SLC35D4: variants seen among roughly 807,000 people sequenced by gnomAD.
SLC35D4 encodes the protein UDP-N-acetylglucosamine transporter SLC35D4.
chr18:23,361,869 T>A, the SLC35D4 span, among the ~76,000 whole-genome samples: 1 of 152,236 alleles, frequency 6.6e-6, no homozygotes, highest in Non-Finnish European at 1.5e-5. Context: ...CCAATACATT[T>A]TCTTATTGAG....
chr18:23,345,878 T>C, the SLC35D4 span, among the ~76,000 whole-genome samples: 1 of 152,224 alleles, frequency 6.6e-6, no homozygotes, highest in East Asian at 1.9e-4. Flanking sequence ...GTGATACTTC[T>C]TTGTTAAGTT....
chr18:23,418,952 G>A, the SLC35D4 span, among the ~76,000 whole-genome samples: 9 of 151,680 alleles, frequency 5.9e-5, no homozygotes, highest in Non-Finnish European at 1.3e-4. Flanking sequence ...AGCTTGCAGT[G>A]AGCTGAGATC....
At chr18:23,297,231 A>T in the SLC35D4 span, 1 of 152,202 alleles carries the variant, frequency 6.6e-6, no homozygotes, top group East Asian at 1.9e-4. Context: ...TAAAAATAAA[A>T]ATGAGAAAGG....
At chr18:23,370,527 A>T in the SLC35D4 span, among the ~76,000 whole-genome samples, 1 of 152,330 alleles carries the variant, frequency 6.6e-6, no homozygotes, top group African/African-American at 2.4e-5. Context: ...AAGCATCATG[A>T]TTATGAAGGA....
chr18:23,328,116 T>C, the SLC35D4 span, among the ~76,000 whole-genome samples: 2 of 152,296 alleles, frequency 1.3e-5, no homozygotes, highest in East Asian at 3.9e-4. Flanking sequence ...GGGCAAAAAC[T>C]GGAAGCATTC....
At chr18:23,352,133 G>T in the SLC35D4 span, 1 of 1,452,328 alleles carries the variant, frequency 6.9e-7, no homozygotes, top group Admixed American at 2.0e-5. Context: ...CATTACCCAG[G>T]TTCTGAGATC....
At chr18:23,376,043 C>T in the SLC35D4 span, among the ~76,000 whole-genome samples, 3 of 152,170 alleles carry the variant, frequency 2.0e-5, no homozygotes, top group Non-Finnish European at 2.9e-5. Context: ...TATAGTGCCC[C>T]TTAACTACTG....
At chr18:23,240,390 A>C in the SLC35D4 span, among the ~76,000 whole-genome samples, 1 of 152,200 alleles carries the variant, frequency 6.6e-6, no homozygotes, top group Non-Finnish European at 1.5e-5. Context: ...CAGAGCCCAC[A>C]AATGATGATG....
At chr18:23,320,148 T>G in the SLC35D4 span, among the ~76,000 whole-genome samples, 2 of 152,202 alleles carry the variant, frequency 1.3e-5, no homozygotes, top group Non-Finnish European at 2.9e-5. Context: ...CCACAAATAT[T>G]AGATCTTATG....
the SLC35D4 span, chr18:23,331,464 G>C: frequency 6.6e-6 from 1 of 152,208 alleles, no homozygotes; most frequent in South Asian, 2.1e-4. Context: ...GGAAGCTGCC[G>C]GGCCTGTTTT....
chr18:23,320,892 A>G, the SLC35D4 span, among the ~76,000 whole-genome samples: 1 of 152,182 alleles, frequency 6.6e-6, no homozygotes, highest in African/African-American at 2.4e-5. Flanking sequence ...CTTTTGCTGC[A>G]GTCTCCTAAA....
At chr18:23,326,216 T>C in the SLC35D4 span, among the ~76,000 whole-genome samples, 1 of 152,170 alleles carries the variant, frequency 6.6e-6, no homozygotes. Flanking sequence ...TAACCTTAAA[T>C]GTAAATGGGT....
At chr18:23,275,016 T>TGCTTGTGTGTGTGCGTATGC in the SLC35D4 span, among the ~76,000 whole-genome samples, 31 of 149,328 alleles carry the variant, frequency 2.1e-4, no homozygotes, top group South Asian at 3.2e-3. Context: ...TGTATGTGTG[T>TGCTTGTGTGTGTGCGTATGC]GCTTGTGTGT....
the SLC35D4 span, among the ~76,000 whole-genome samples, chr18:23,246,795 G>A: frequency 1.3e-5 from 2 of 151,530 alleles, no homozygotes; most frequent in East Asian, 1.9e-4. Flanking sequence ...AGGTTCAAGC[G>A]ATTCTTCCTG....
the SLC35D4 span, chr18:23,257,208 G>A: frequency 1.2e-6 from 2 of 1,605,416 alleles, no homozygotes; most frequent in Non-Finnish European, 1.7e-6. Context: ...ACATGCTTTT[G>A]ATTTTCTTTT....
chr18:23,394,499 TG>T, the SLC35D4 span, among the ~76,000 whole-genome samples: 1 of 152,224 alleles, frequency 6.6e-6, no homozygotes, highest in African/African-American at 2.4e-5. Flanking sequence ...CCTCCCTTTC[TG>T]GGGGTTGCCT....
chr18:23,406,872 A>C, the SLC35D4 span, among the ~76,000 whole-genome samples: 1 of 152,178 alleles, frequency 6.6e-6, no homozygotes, highest in Non-Finnish European at 1.5e-5. Context: ...GTGTGCCATC[A>C]CGGCTCACTG....
At chr18:23,259,487 T>C in the SLC35D4 span, 1 of 152,370 alleles carries the variant, frequency 6.6e-6, no homozygotes, top group South Asian at 2.1e-4. Flanking sequence ...ATGAAGTTAG[T>C]GGTCCATTAC....
the SLC35D4 span, among the ~76,000 whole-genome samples, chr18:23,276,976 T>C: frequency 6.6e-6 from 1 of 152,248 alleles, no homozygotes; most frequent in Admixed American, 6.5e-5. Flanking sequence ...TCTAGTGCCA[T>C]GATAATGCTG....
Sources: gnomAD v4.1 joint callset for allele counts (sites outside exome capture counted in the v4.1 genomes callset) on GRCh38, gnomAD v4.1.1 for gene constraint, MANE v1.5 for transcripts, NCBI Gene and HGNC (gene_info 2026-07-23, HGNC 2026-07-21) for gene names.